CDC42BPA: variants seen among roughly 807,000 people sequenced by gnomAD.
CDC42BPA encodes the protein serine/threonine-protein kinase MRCK alpha.
CDC42BPA carries 80 observed loss-of-function variants against 223.5 expected under a neutral mutation model. The ratio of observed to expected loss-of-function variants is 0.36; its 90% confidence interval spans 0.30 to 0.43. The LOEUF (loss-of-function observed/expected upper bound fraction) is 0.43. CDC42BPA is among the 20% of genes least tolerant of loss of function. CDC42BPA has a pLI of 1.00. For missense variants in CDC42BPA, 1,743 were observed against 2,099.9 expected, an observed-to-expected ratio of 0.83 and a Z score of 3.32; for synonymous variants, 694 against 718.6, an observed-to-expected ratio of 0.97 and a Z score of 0.55.
At chr1:227,036,150 C>A (rs898400611) in intron 24 of CDC42BPA, among the ~76,000 whole-genome samples, 53 of 152,242 alleles carry the variant, frequency 3.5e-4, no homozygotes, top group Non-Finnish European at 6.8e-4. Context: ...CAATAGTTAA[C>A]TTTATGGAGT....
chr1:227,204,500 C>G (rs995815908), intron 3 of CDC42BPA, among the ~76,000 whole-genome samples: 4 of 152,038 alleles, frequency 2.6e-5, no homozygotes, highest in African/African-American at 9.7e-5. Context: ...CAGAGTTTGA[C>G]TAGCAAGGAG....
chr1:227,235,993 G>T (rs978177256), intron 2 of CDC42BPA, among the ~76,000 whole-genome samples: 4 of 152,124 alleles, frequency 2.6e-5, no homozygotes, highest in African/African-American at 9.7e-5. Context: ...CTTTCTCCTG[G>T]GGTCCCTGAA....
At chr1:227,253,269 C>CGAGAGAGA (rs1355950996) in intron 2 of CDC42BPA, among the ~76,000 whole-genome samples, 1 of 80,114 alleles carries the variant, frequency 1.2e-5, no homozygotes, top group Admixed American at 1.4e-4. Flanking sequence ...CGAGAGAGAG[C>CGAGAGAGA]GCGCGCGCGT....
chr1:227,269,188 A>G (rs558895007), intron 1 of CDC42BPA, among the ~76,000 whole-genome samples: 1 of 152,234 alleles, frequency 6.6e-6, no homozygotes, highest in African/African-American at 2.4e-5. Flanking sequence ...TGTTCCAATA[A>G]ATCTGTATTT....
intron 3 of CDC42BPA, among the ~76,000 whole-genome samples, chr1:227,205,130 G>GAGGTACTTGGGAGGTACTCAGCC (rs1672433927): frequency 6.6e-6 from 1 of 151,564 alleles, no homozygotes. Context: ...GTGGTGGTGG[G>GAGGTACTTGGGAGGTACTCAGCC]AGGTACTTGG....
At chr1:227,023,140 G>T in intron 32 of CDC42BPA, 123 bp downstream of exon 32, 1 of 559,384 alleles carries the variant, frequency 1.8e-6, no homozygotes, top group Non-Finnish European at 3.1e-6. Context: ...CATAGACTTG[G>T]AGTAAGATAC....
At chr1:227,062,567 T>G (rs755978833) in intron 21 of CDC42BPA, among the ~76,000 whole-genome samples, 14 of 152,178 alleles carry the variant, frequency 9.2e-5, no homozygotes, top group African/African-American at 3.1e-4. Context: ...GGGCAGGAAG[T>G]ATTGTATTTT....
At chr1:227,217,841 C>T (rs1349863514) in intron 2 of CDC42BPA, among the ~76,000 whole-genome samples, 1 of 152,200 alleles carries the variant, frequency 6.6e-6, no homozygotes, top group Non-Finnish European at 1.5e-5. Context: ...TTCTCTCTCA[C>T]TCCTTCAATG....
At chr1:227,021,771 G>A (rs1667411647) in intron 32 of CDC42BPA, among the ~76,000 whole-genome samples, 1 of 152,084 alleles carries the variant, frequency 6.6e-6, no homozygotes, top group African/African-American at 2.4e-5. Context: ...TGTAATCCCA[G>A]CACTTTGAGA....
intron 5 of CDC42BPA, among the ~76,000 whole-genome samples, chr1:227,171,424 C>A (rs1666076029): frequency 6.6e-6 from 1 of 152,096 alleles, no homozygotes; most frequent in African/African-American, 2.4e-5. Flanking sequence ...AGTTTATGAC[C>A]AGCGTGAGCA....
chr1:227,301,158 T>C (rs1054342216), intron 1 of CDC42BPA, among the ~76,000 whole-genome samples: 3 of 152,186 alleles, frequency 2.0e-5, no homozygotes, highest in Admixed American at 6.5e-5. Flanking sequence ...ACAAAGACTA[T>C]AAATTGCCAT....
intron 16 of CDC42BPA, among the ~76,000 whole-genome samples, chr1:227,081,309 T>C (rs999846674): frequency 6.6e-6 from 1 of 152,140 alleles, no homozygotes; most frequent in Non-Finnish European, 1.5e-5. Context: ...AATGTCTTTA[T>C]GTCATTTTTT....
chr1:227,046,013 C>T (rs1370528050), intron 23 of CDC42BPA, among the ~76,000 whole-genome samples: 4 of 152,154 alleles, frequency 2.6e-5, no homozygotes, highest in South Asian at 2.1e-4. Context: ...GCCATGCTGC[C>T]CAGGTAGGTC....
At position 227,180,784 on chromosome 1, in the gene CDC42BPA, T is replaced by A. The variant is rs541192123; in HGVS notation, c.599+13002A>T. ...CATAACATTCTAATCAGATGAAACT[T>A]AGTTTTTCTTTCTTGTTCTAGTAGG... is the stretch of plus-strand genomic sequence containing the variant. On this transcript the variant is annotated intron_variant, in intron 5 of 36. Transcript: ENST00000366766. Among the ~76,000 whole-genome samples, 3 of 152,336 alleles carry A rather than the reference T, an allele frequency of 2.0e-5. No homozygotes were observed. The South Asian group carries it at 6.2e-4, about 32-fold the overall frequency.
At chr1:227,120,630 C>T (rs887338249) in intron 11 of CDC42BPA, among the ~76,000 whole-genome samples, 3 of 152,080 alleles carry the variant, frequency 2.0e-5, no homozygotes, top group African/African-American at 7.2e-5. Flanking sequence ...TTTTAAGAAA[C>T]AACATTATTG....
intron 19 of CDC42BPA, among the ~76,000 whole-genome samples, chr1:227,073,482 G>A (rs1678849156): frequency 6.6e-6 from 1 of 151,858 alleles, no homozygotes; most frequent in African/African-American, 2.4e-5. Context: ...CTATGGTAGA[G>A]GCCACAATTT....
intron 17 of CDC42BPA, among the ~76,000 whole-genome samples, chr1:227,075,694 G>C (rs1277224343): frequency 6.6e-6 from 1 of 152,106 alleles, no homozygotes; most frequent in African/African-American, 2.4e-5. Context: ...CTATAGTGTA[G>C]AGAATAAATT....
At chr1:227,023,825 GT>G (rs1339158367) in intron 31 of CDC42BPA, among the ~76,000 whole-genome samples, 1 of 152,064 alleles carries the variant, frequency 6.6e-6, no homozygotes, top group Non-Finnish European at 1.5e-5. Context: ...AAACATAAAC[GT>G]AATAGGCTAA....
chr1:227,274,392 T>C (rs547665277), intron 1 of CDC42BPA, among the ~76,000 whole-genome samples: 1 of 152,286 alleles, frequency 6.6e-6, no homozygotes, highest in Non-Finnish European at 1.5e-5. Context: ...ATTACTTTCA[T>C]AACTTAAATG....
Sources: gnomAD v4.1 joint callset for allele counts (sites outside exome capture counted in the v4.1 genomes callset) on GRCh38, gnomAD v4.1.1 for gene constraint, MANE v1.5 for transcripts, NCBI Gene and HGNC (gene_info 2026-07-23, HGNC 2026-07-21) for gene names.